The following OSBP2 variants were observed in gnomAD, a reference collection of about 807,000 sequenced individuals.
OSBP2 encodes oxysterol-binding protein 2.
A neutral mutation model predicts 96.0 loss-of-function variants in OSBP2; 66 were observed. That is an observed-to-expected ratio of 0.69 (90% CI 0.56 to 0.84). The LOEUF is 0.84. Ranked by LOEUF, OSBP2 falls within the 40% of genes least tolerant of loss-of-function variation. The probability of loss-of-function intolerance (pLI) is 0.00; values close to 1 mark genes in which losing one functional copy is unlikely to be tolerated. For missense variants in OSBP2, 1,038 were observed against 1,222.7 expected (o/e 0.85, Z 2.25); for synonymous variants, 525 against 520.9 (o/e 1.01, Z -0.11).
At chr22:30,702,208 T>G (rs2089175239) in intron 1 of OSBP2, among the ~76,000 whole-genome samples, 1 of 152,226 alleles carries the variant, frequency 6.6e-6, no homozygotes, top group Non-Finnish European at 1.5e-5. Flanking sequence ...GTCTGCCTTC[T>G]GCTTACCTGG....
intron 8 of OSBP2, among the ~76,000 whole-genome samples, chr22:30,892,829 G>A (rs1239949602): frequency 6.6e-6 from 1 of 152,172 alleles, no homozygotes; most frequent in African/African-American, 2.4e-5. Flanking sequence ...AGCCCTCAGT[G>A]CACCTGTCAC....
At chr22:30,819,293 C>A (rs938450358) in intron 2 of OSBP2, among the ~76,000 whole-genome samples, 2 of 152,162 alleles carry the variant, frequency 1.3e-5, no homozygotes, top group African/African-American at 4.8e-5. Context: ...AGAGATCATG[C>A]CACTGGACTC....
At chr22:30,853,774 CT>C (rs35208155) in intron 2 of OSBP2, among the ~76,000 whole-genome samples, 70,392 of 138,298 alleles carry the variant, frequency 0.51, 18,438 homozygotes, top group African/African-American at 0.76. Context: ...TTCTTTCTTT[CT>C]TTTTTTTTTT....
At chr22:30,884,044 C>T (rs1481623427) in intron 3 of OSBP2, among the ~76,000 whole-genome samples, 1 of 152,144 alleles carries the variant, frequency 6.6e-6, no homozygotes, top group Non-Finnish European at 1.5e-5. Flanking sequence ...AGGACTCACC[C>T]AGGCCCACTA....
rs1197667059 is a variant in OSBP2 at position 30,889,514 on chromosome 22, C to G, written c.1501C>G (p.Pro501Ala). The change falls in exon 7 of 14, where the codon CCC (proline) becomes GCC (alanine). Residue 501 changes from proline (P) to alanine (A), a missense_variant. Pro to Ala is a conservative substitution (Grantham distance 27, BLOSUM62 -1). Around this residue, in one of 3 missense-constraint regions of OSBP2, gnomAD observed 737 missense variants for 913.3 expected, o/e 0.81. Transcript: ENST00000332585. ...GGTACTAGATGGTGCCTCGCTCGTGCCCAAGGGTTCATCCAAAGTCAAGAG... is the reference window on the plus strand; with the variant it reads ...GGTACTAGATGGTGCCTCGCTCGTGGCCAAGGGTTCATCCAAAGTCAAGAG... ...DNVLDGASLV[P>A]KGSSKVKRRV... 2.5e-6 allele frequency: 4 copies of G among 1,613,948 alleles called. No individual in the cohort carries two copies. Among genetic ancestry groups the G allele is most frequent in the Non-Finnish European group, 3.4e-6 (4 of 1,180,010 alleles).
chr22:30,704,668 G>T (rs2089221083), intron 1 of OSBP2, among the ~76,000 whole-genome samples: 1 of 152,090 alleles, frequency 6.6e-6, no homozygotes, highest in Admixed American at 6.6e-5. Context: ...GTTTCACCAT[G>T]TTGGCCAGGC....
At chr22:30,707,448 C>T (rs776565439) in intron 1 of OSBP2, among the ~76,000 whole-genome samples, 16 of 152,000 alleles carry the variant, frequency 1.1e-4, no homozygotes, top group Non-Finnish European at 2.1e-4. Context: ...AGTGCAGTGG[C>T]TCACACCGGT....
At chr22:30,854,661 T>A (rs1037839810) in intron 2 of OSBP2, among the ~76,000 whole-genome samples, 1 of 151,876 alleles carries the variant, frequency 6.6e-6, no homozygotes, top group Non-Finnish European at 1.5e-5. Flanking sequence ...AAAAAGCACC[T>A]TTTATATTTA....
Position 30,871,345 on chromosome 22 carries a change from T to C in OSBP2, c.1107+663T>C, listed in dbSNP as rs1283421645. Among the ~76,000 whole-genome samples, 1 of 151,966 alleles carries C rather than the reference T, an allele frequency of 6.6e-6. No individual in the cohort carries two copies. Among genetic ancestry groups the C allele is most frequent in the Non-Finnish European group, 1.5e-5 (1 of 67,976 alleles). ...TCGATGGTGGTAGGAGGATAGTGCTTGGCCCTGCTTCCCTCTTTCTGTCTG... is the reference window on the plus strand; with the variant it reads ...TCGATGGTGGTAGGAGGATAGTGCTCGGCCCTGCTTCCCTCTTTCTGTCTG... On this transcript the variant is annotated intron_variant, in intron 3 of 13. Coordinates refer to ENST00000332585, the MANE Select transcript of OSBP2 (RefSeq NM_030758.4). The surrounding 1 kb of genome is among the most constrained non-coding windows in gnomAD (Gnocchi z 4.7).
intron 1 of OSBP2, among the ~76,000 whole-genome samples, chr22:30,699,696 C>G (rs765308792): frequency 1.3e-5 from 2 of 152,146 alleles, no homozygotes; most frequent in Admixed American, 1.3e-4. Flanking sequence ...TAAAATTTCT[C>G]CTTTCAATGT....
chr22:30,710,970 CT>C (rs1328435522), intron 1 of OSBP2, among the ~76,000 whole-genome samples: 3 of 151,502 alleles, frequency 2.0e-5, no homozygotes, highest in African/African-American at 7.3e-5. Flanking sequence ...TCTCGAACTC[CT>C]TGACCTCAGG....
At position 30,883,284 on chromosome 22, in the gene OSBP2, C is replaced by T. The variant is rs145247278; in HGVS notation, c.1108-4142C>T. 1.3e-3 allele frequency among the ~76,000 whole-genome samples: 197 copies of T among 152,326 alleles called. 2 individuals are homozygous for T. Among genetic ancestry groups the T allele is most frequent in the African/African-American group, 4.4e-3 (182 of 41,562 alleles). ...GGATCGTGCCTTGTGTGGAGGTGGC[C>T]CTGGGGCTAGACAGACCTGGGATCC... is the stretch of plus-strand genomic sequence containing the variant. On this transcript the variant is annotated intron_variant, in intron 3 of 13. Transcript: ENST00000332585.
chr22:30,723,233 A>G (rs1217062600), intron 1 of OSBP2, among the ~76,000 whole-genome samples: 2 of 151,988 alleles, frequency 1.3e-5, no homozygotes, highest in African/African-American at 2.4e-5. Flanking sequence ...CAGCCTCCTG[A>G]GTAGCTGGGA....
chr22:30,833,291 A>C (rs1275581469), intron 2 of OSBP2, among the ~76,000 whole-genome samples: 1 of 152,258 alleles, frequency 6.6e-6, no homozygotes, highest in African/African-American at 2.4e-5. Context: ...TGTTAAAATA[A>C]TTCATGACTT....
intron 2 of OSBP2, among the ~76,000 whole-genome samples, chr22:30,748,388 A>G (rs2090034072): frequency 6.6e-6 from 1 of 152,084 alleles, no homozygotes; most frequent in Admixed American, 6.6e-5. Context: ...AAAAACTTCC[A>G]AGACCCCCGA....
chr22:30,693,928 G>C, upstream of OSBP2: 1 of 775,158 alleles, frequency 1.3e-6, no homozygotes, highest in South Asian at 1.8e-5. Context: ...TCACGCCACT[G>C]CATTCCAGCC....
At chr22:30,707,174 G>A (rs980233631) in intron 1 of OSBP2, among the ~76,000 whole-genome samples, 9 of 151,868 alleles carry the variant, frequency 5.9e-5, no homozygotes, top group Admixed American at 1.3e-4. Context: ...TCAGCTCACT[G>A]CAACCTCCGC....
chr22:30,902,144 A>AAC (rs2040225504), intron 12 of OSBP2: 1 of 369,532 alleles, frequency 2.7e-6, no homozygotes, highest in African/African-American at 2.8e-5. Context: ...AAAAACCAAA[A>AAC]AAAAAAAACA....
At chr22:30,905,782 A>T in intron 12 of OSBP2, 55 bp from the exon 13 acceptor site, 1 of 1,599,692 alleles carries the variant, frequency 6.3e-7, no homozygotes, top group East Asian at 2.3e-5. Context: ...GCGGCCGGGT[A>T]GGTGTGGTCC....
Sources: gnomAD v4.1 joint callset for allele counts (sites outside exome capture counted in the v4.1 genomes callset) on GRCh38, gnomAD v4.1.1 for gene constraint, gnomAD v4.1.1 regional missense constraint, Gnocchi (gnomAD v3.1) non-coding constraint, MANE v1.5 for transcripts, NCBI Gene and HGNC (gene_info 2026-07-23, HGNC 2026-07-21) for gene names.